The following PLEKHA7 variants were observed in gnomAD, a reference collection of about 807,000 sequenced individuals.
PLEKHA7 encodes pleckstrin homology domain-containing family A member 7.
PLEKHA7 carries 104 observed loss-of-function variants against 170.0 expected under a neutral mutation model. That is an observed-to-expected ratio of 0.61 (90% confidence interval 0.52 to 0.72). The LOEUF is 0.72. Among genes scored for constraint, PLEKHA7 ranks in the 30% least tolerant of loss-of-function variants. The pLI, the probability that PLEKHA7 is intolerant of heterozygous loss-of-function variation, is 0.00. For missense variants in PLEKHA7, 1,615 were observed against 1,671.7 expected (o/e 0.97, Z 0.59); for synonymous variants, 648 against 660.8 (o/e 0.98, Z 0.30).
intron 3 of PLEKHA7, among the ~76,000 whole-genome samples, chr11:16,922,146 G>A (rs928685813): frequency 6.7e-6 from 1 of 150,256 alleles, no homozygotes; most frequent in Non-Finnish European, 1.5e-5. Flanking sequence ...TAGGAGCCCA[G>A]GTATGGCCTC....
At chr11:16,892,558 A>G in intron 3 of PLEKHA7, among the ~76,000 whole-genome samples, 1 of 139,792 alleles carries the variant, frequency 7.2e-6, no homozygotes. Context: ...TGATCCTCCC[A>G]CCTCAGCCTC....
At chr11:16,916,343 G>A (rs1486137141) in intron 3 of PLEKHA7, among the ~76,000 whole-genome samples, 4 of 152,162 alleles carry the variant, frequency 2.6e-5, no homozygotes, top group Non-Finnish European at 5.9e-5. Context: ...CTTTGGCTGT[G>A]CAGAAGCGCC....
intron 3 of PLEKHA7, among the ~76,000 whole-genome samples, chr11:16,873,139 A>C (rs1204966607): frequency 1.3e-5 from 2 of 152,198 alleles, no homozygotes; most frequent in Non-Finnish European, 1.5e-5. Context: ...TAATCAATAG[A>C]TCATCTCAGT....
intron 13 of PLEKHA7, among the ~76,000 whole-genome samples, chr11:16,805,971 T>C (rs1273735339): frequency 1.3e-5 from 2 of 152,210 alleles, no homozygotes; most frequent in Non-Finnish European, 2.9e-5. Context: ...CTGCTGCTAC[T>C]ACAGCACCCA....
chr11:16,938,536 A>G (rs1860468213), intron 3 of PLEKHA7, among the ~76,000 whole-genome samples: 1 of 152,168 alleles, frequency 6.6e-6, no homozygotes, highest in Non-Finnish European at 1.5e-5. Context: ...AAGAAAATTC[A>G]TTAAATGTGT....
Position 16,884,463 on chromosome 11 carries a change from T to C in PLEKHA7, c.222-13281A>G, listed in dbSNP as rs545104595. Among the ~76,000 whole-genome samples, 5 of 152,068 alleles carry C rather than the reference T, an allele frequency of 3.3e-5. No homozygotes were observed. The East Asian group carries it at 9.7e-4, about 30-fold the overall frequency. On this transcript the variant is annotated intron_variant, in intron 3 of 26. Transcript: ENST00000531066. ...GCCTGGCCAACATGGTGAAACCCTG[T>C]TTCTACTAAAAATACAAAAAAATTA...
chr11:16,868,404 A>G (rs1364554782), intron 4 of PLEKHA7, among the ~76,000 whole-genome samples: 1 of 152,122 alleles, frequency 6.6e-6, no homozygotes, highest in Non-Finnish European at 1.5e-5. Flanking sequence ...GCATGCACAC[A>G]TTATTCCAAG....
At chr11:16,948,614 G>A (rs1369210461) in intron 3 of PLEKHA7, among the ~76,000 whole-genome samples, 1 of 145,306 alleles carries the variant, frequency 6.9e-6, no homozygotes, top group Non-Finnish European at 1.5e-5. Context: ...CACCCCACAT[G>A]CACACACATG....
rs1422524245 is a variant in PLEKHA7 at position 16,801,550 on chromosome 11, T to A, written c.2307+118A>T. On this transcript the variant is annotated intron_variant, in intron 16 of 26. Transcript: ENST00000531066. Reference sequence around the variant, plus strand: ...GTGGCAGTTCTGCTACTGGAGAAGCTCTGCTATTTCAGGACTCTTGCCTCT... The same window carrying A: ...GTGGCAGTTCTGCTACTGGAGAAGCACTGCTATTTCAGGACTCTTGCCTCT... The A allele has an allele frequency of 3.1e-6, 4 of 1,273,572 alleles. No individual in the cohort carries two copies. The East Asian group carries it at 1.0e-4, about 32-fold the overall frequency. The allele number at this position is 1,273,572 out of a possible 1,614,324, so 78.9% of individuals were successfully genotyped here. A position where few individuals can be genotyped will look rare whatever the true frequency, so the allele number is the denominator to read the frequency against.
chr11:16,857,489 T>C (rs1853563893), intron 4 of PLEKHA7, among the ~76,000 whole-genome samples: 1 of 152,220 alleles, frequency 6.6e-6, no homozygotes, highest in Admixed American at 6.5e-5. Context: ...TAACCGCTGA[T>C]CAGGAGCAGG....
At chr11:16,876,799 G>A (rs988089734) in intron 3 of PLEKHA7, among the ~76,000 whole-genome samples, 2 of 152,192 alleles carry the variant, frequency 1.3e-5, no homozygotes, top group Non-Finnish European at 2.9e-5. Flanking sequence ...CTATTCGTAT[G>A]TATTTTGATT....
rs1240367052 is a variant in PLEKHA7 at position 16,976,479 on chromosome 11, C to A, written c.221+37510G>T. Among the ~76,000 whole-genome samples the A allele has an allele frequency of 2.6e-5, 4 of 152,332 alleles. No individual in the cohort carries two copies. The East Asian group carries it at 7.7e-4, about 29-fold the overall frequency. ...GGCTGGCTCAGCCATAGAGCAGAGA[C>A]GGTGTGGTACGGGGCCAGAATGCTG... On this transcript the variant is annotated intron_variant, in intron 3 of 26. Coordinates refer to ENST00000531066, the MANE Select transcript of PLEKHA7 (RefSeq NM_001329630.2).
In PLEKHA7 at chr11:16,826,541, CTG is replaced by C. The variant is rs755155683; in HGVS notation, c.920_921del (p.Thr307ArgfsTer23). 6.2e-7 allele frequency: 1 copy of C among 1,614,184 alleles called. No individual in the cohort carries two copies. Among genetic ancestry groups the C allele is most frequent in the South Asian group, 1.1e-5 (1 of 91,086 alleles). On this transcript the variant is annotated frameshift_variant, in exon 10 of 27. Coordinates refer to ENST00000531066, the MANE Select transcript of PLEKHA7 (RefSeq NM_001329630.2). LOFTEE classifies it high-confidence loss of function. Reference protein sequence around the residue: ...ERQAVPQANHTESCHECGRVG... With the variant: ...ERQAVPQANHXESCHECGRVG... ...ACCCGGCCACATTCGTGACAGGACT[CTG>C]TGTGGTTGGCCTGGGGGACAGCCTG...
chr11:16,859,634 T>C (rs112408862), intron 4 of PLEKHA7, among the ~76,000 whole-genome samples: 1,854 of 152,354 alleles, frequency 0.012, 19 homozygotes, highest in Non-Finnish European at 0.016. Context: ...CCCACAGGCA[T>C]GTTTCCCATT....
chr11:16,854,604 A>G (rs1853270814), intron 6 of PLEKHA7, among the ~76,000 whole-genome samples: 1 of 152,248 alleles, frequency 6.6e-6, no homozygotes, highest in African/African-American at 2.4e-5. Context: ...GGCTGGATTC[A>G]AGCTGACCCA....
chr11:16,782,769 TACGCTGGGA>T lies in PLEKHA7; in HGVS notation c.3769_3777del (p.Gln1258_Ser1260del). On this transcript the variant is annotated inframe_deletion, in exon 26 of 27. Transcript: ENST00000531066. ...ATGGCCTTACCTGCCACCTGCTTGC[TACGCTGGGA>T]GGCCTCGGAGGCCAGGGCGTAGGAG... The T allele has an allele frequency of 2.6e-6, 4 of 1,536,144 alleles. No homozygotes were observed. The highest frequency in any genetic ancestry group is 3.5e-6 in the Non-Finnish European group (4 of 1,146,898).
intron 13 of PLEKHA7, among the ~76,000 whole-genome samples, chr11:16,804,786 C>T (rs1018803795): frequency 6.6e-6 from 1 of 152,236 alleles, no homozygotes; most frequent in Non-Finnish European, 1.5e-5. Context: ...AAATTCTGCT[C>T]TTCAGACTGT....
intron 3 of PLEKHA7, among the ~76,000 whole-genome samples, chr11:16,877,860 CA>C (rs112008694): frequency 1.2e-3 from 181 of 152,286 alleles, no homozygotes; most frequent in African/African-American, 4.1e-3. Context: ...AATGTCCCTC[CA>C]AAAGGTTGTT....
Position 16,786,249 on chromosome 11 carries a change from C to A in PLEKHA7, c.3496G>T (p.Asp1166Tyr). Residue 1166 changes from aspartate (D) to tyrosine (Y), a missense_variant, in exon 24 of 27, where the codon GAC (aspartate) becomes TAC (tyrosine). Asp to Tyr is a radical substitution (Grantham distance 160). Transcript: ENST00000531066. ...TELDLEPQDY[D>Y]LDISRELSKP... is the part of the protein sequence containing the mutation. ...CTCACCTCTCTGCTGATGTCCAAGT[C>A]ATAGTCTTGAGGCTCCAGGTCCAAC... The A allele has an allele frequency of 6.5e-7, 1 of 1,536,132 alleles. No individual in the cohort carries two copies. Among genetic ancestry groups the A allele is most frequent in the South Asian group, 1.2e-5 (1 of 84,038 alleles).
Sources: gnomAD v4.1 joint callset for allele counts (sites outside exome capture counted in the v4.1 genomes callset) on GRCh38, gnomAD v4.1.1 for gene constraint, MANE v1.5 for transcripts, NCBI Gene and HGNC (gene_info 2026-07-23, HGNC 2026-07-21) for gene names.